Variants in LARGE1 observed in about 807,000 individuals in gnomAD.
LARGE1 encodes LARGE xylosyl- and glucuronyltransferase 1.
In LARGE1, 43 loss-of-function variants were observed where a neutral mutation model predicts 87.6. That is an observed-to-expected ratio of 0.49 (90% CI 0.38 to 0.63). The LOEUF is 0.63. Among genes scored for constraint, LARGE1 ranks in the 30% least tolerant of loss-of-function variants. LARGE1 has a pLI of 0.00. For missense variants in LARGE1, 802 were observed against 1,000.2 expected (o/e 0.80, Z 2.67); for synonymous variants, 434 against 394.6 (o/e 1.10, Z -1.18).
chr22:33,713,751 G>A (rs1436961987), intron 2 of LARGE1, among the ~76,000 whole-genome samples: 2 of 152,034 alleles, frequency 1.3e-5, no homozygotes, highest in African/African-American at 2.4e-5. Flanking sequence ...GACCCCAGGA[G>A]TTCAAGACCA....
intron 2 of LARGE1, among the ~76,000 whole-genome samples, chr22:33,672,605 C>G (rs909989320): frequency 1.3e-5 from 2 of 152,200 alleles, no homozygotes; most frequent in African/African-American, 4.8e-5. Context: ...GTAAGTCTAT[C>G]TGGTTGAGAC....
intron 6 of LARGE1, among the ~76,000 whole-genome samples, chr22:33,550,733 G>A (rs772346960): frequency 6.6e-6 from 1 of 152,090 alleles, no homozygotes; most frequent in Non-Finnish European, 1.5e-5. Context: ...ATATAAGAAA[G>A]ACACCTGCAC....
intron 1 of LARGE1, among the ~76,000 whole-genome samples, chr22:33,819,539 C>T (rs904752062): frequency 1.3e-5 from 2 of 152,070 alleles, no homozygotes; most frequent in Admixed American, 6.6e-5. Flanking sequence ...ACCTCCCCAC[C>T]GAGCCTCCTT....
At chr22:33,760,755 AC>A (rs1464395337) in intron 2 of LARGE1, among the ~76,000 whole-genome samples, 1 of 152,152 alleles carries the variant, frequency 6.6e-6, no homozygotes, top group Non-Finnish European at 1.5e-5. Context: ...CCCCATCTCT[AC>A]GAAAAATAGA....
chr22:33,603,101 G>T (rs539425340), intron 5 of LARGE1, among the ~76,000 whole-genome samples: 1 of 152,106 alleles, frequency 6.6e-6, no homozygotes, highest in East Asian at 1.9e-4. Context: ...GGAATGGCAC[G>T]CAAATTACCA....
intron 1 of LARGE1, among the ~76,000 whole-genome samples, chr22:33,880,514 A>C (rs578032288): frequency 6.6e-6 from 1 of 152,350 alleles, no homozygotes; most frequent in African/African-American, 2.4e-5. Context: ...AGTCATGTGC[A>C]GTCTCTGCCA....
At chr22:33,667,176 A>C (rs550849040) in intron 2 of LARGE1, among the ~76,000 whole-genome samples, 1 of 152,372 alleles carries the variant, frequency 6.6e-6, no homozygotes, top group South Asian at 2.1e-4. Flanking sequence ...GTTTTGCTGG[A>C]TGATGGGAGA....
chr22:33,253,599 C>T (rs1927110682), intron 11 of LARGE1, among the ~76,000 whole-genome samples: 1 of 152,202 alleles, frequency 6.6e-6, no homozygotes, highest in Non-Finnish European at 1.5e-5. Context: ...ATAATCTCAG[C>T]TACTCGGGAG....
intron 7 of LARGE1, among the ~76,000 whole-genome samples, chr22:33,411,169 A>G (rs934083025): frequency 6.6e-6 from 1 of 152,236 alleles, no homozygotes; most frequent in Admixed American, 6.5e-5. Context: ...TGTATGGGTC[A>G]GCAGAGTAGG....
intron 6 of LARGE1, among the ~76,000 whole-genome samples, chr22:33,447,978 A>G (rs2067756189): frequency 6.6e-6 from 1 of 152,158 alleles, no homozygotes; most frequent in Non-Finnish European, 1.5e-5. Context: ...GATGCCAGAC[A>G]CAAAATGTCA....
At chr22:33,842,822 T>C (rs1338121350) in intron 1 of LARGE1, among the ~76,000 whole-genome samples, 1 of 152,198 alleles carries the variant, frequency 6.6e-6, no homozygotes, top group Admixed American at 6.5e-5. Flanking sequence ...TGGCTACTGA[T>C]CTAGAGGGCA....
At position 33,283,257 on chromosome 22, in the gene LARGE1, T is replaced by C; in HGVS notation, c.1822A>G (p.Lys608Glu). 1.9e-6 allele frequency: 3 copies of C among 1,614,080 alleles called. No individual in the cohort carries two copies. The highest frequency in any genetic ancestry group is 2.5e-6 in the Non-Finnish European group (3 of 1,179,994). Residue 608 changes from lysine to glutamate, a missense_variant, in exon 13 of 15, where the codon AAG becomes GAG. Around this residue, in one of 2 missense-constraint regions of LARGE1, gnomAD observed 625 missense variants for 841.9 expected, o/e 0.74. Coordinates refer to ENST00000397394, the MANE Select transcript of LARGE1 (RefSeq NM_133642.5). ...ETLRYRLSFP[K>E]SKAELLSMLD... ...ATTGACAGCAACTCCGCTTTTGACT[T>C]GGGGAAGGACAGCCGGTAGCGCAGT...
intron 1 of LARGE1, among the ~76,000 whole-genome samples, chr22:33,874,638 A>G (rs1405649336): frequency 6.6e-6 from 1 of 152,202 alleles, no homozygotes; most frequent in South Asian, 2.1e-4. Context: ...TTTCCACCCA[A>G]CGATCACTGG....
intron 12 of LARGE1, among the ~76,000 whole-genome samples, chr22:33,298,533 T>C (rs1362163534): frequency 6.6e-6 from 1 of 152,178 alleles, no homozygotes. Flanking sequence ...TAAAGAGTAC[T>C]CAGCATCAGT....
chr22:33,531,024 G>C (rs2072172630), intron 6 of LARGE1, among the ~76,000 whole-genome samples: 1 of 152,188 alleles, frequency 6.6e-6, no homozygotes, highest in South Asian at 2.1e-4. Flanking sequence ...TAACAGATGT[G>C]AGAGTCTTGG....
chr22:33,659,834 G>A (rs1272869114), intron 2 of LARGE1, among the ~76,000 whole-genome samples: 2 of 151,222 alleles, frequency 1.3e-5, no homozygotes, highest in African/African-American at 4.9e-5. Flanking sequence ...TGGATTCACT[G>A]CACCATAATA....
At chr22:33,826,178 G>A (rs1178118927) in intron 1 of LARGE1, among the ~76,000 whole-genome samples, 2 of 152,070 alleles carry the variant, frequency 1.3e-5, no homozygotes, top group Non-Finnish European at 1.5e-5. Flanking sequence ...TCAAGGTGCT[G>A]CAGGGCTGTG....
At chr22:33,173,557 A>T (rs1337028698) in intron 11 of LARGE1, among the ~76,000 whole-genome samples, 2 of 152,158 alleles carry the variant, frequency 1.3e-5, no homozygotes, top group African/African-American at 4.8e-5. Flanking sequence ...AAATTAGATA[A>T]AGAGTGAAGA....
chr22:33,730,041 T>C (rs1014538636), intron 2 of LARGE1, among the ~76,000 whole-genome samples: 3 of 152,068 alleles, frequency 2.0e-5, no homozygotes, highest in African/African-American at 7.2e-5. Flanking sequence ...GAGACCAAAA[T>C]ACAGTTAACC....
Sources: allele counts gnomAD v4.1 joint callset (sites outside exome capture counted in the v4.1 genomes callset), GRCh38; gene constraint gnomAD v4.1.1; regional missense constraint gnomAD v4.1.1; transcripts MANE v1.5; gene names NCBI Gene and HGNC (gene_info 2026-07-23, HGNC 2026-07-21).